GRID2: variants seen among roughly 807,000 people sequenced by gnomAD.
GRID2 encodes glutamate receptor ionotropic, delta-2.
A neutral mutation model predicts 114.8 loss-of-function variants in GRID2; 33 were observed. The ratio of observed to expected loss-of-function variants is 0.29; its 90% CI spans 0.22 to 0.38. GRID2 has a LOEUF of 0.38. Ranked by LOEUF, GRID2 falls within the 10% of genes least tolerant of loss-of-function variation. The pLI, the probability that GRID2 is intolerant of heterozygous loss-of-function variation, is 1.00. For synonymous variants in GRID2, 505 were observed against 449.9 expected (o/e 1.12, Z -1.55); for missense variants, 1,184 against 1,257.7 (o/e 0.94, Z 0.89).
chr4:92,756,162 T>C (rs928248758), intron 2 of GRID2, among the ~76,000 whole-genome samples: 3 of 152,176 alleles, frequency 2.0e-5, no homozygotes, highest in African/African-American at 7.2e-5. Flanking sequence ...GATCAACTTT[T>C]TAGCTCCCAT....
At chr4:92,962,412 C>G (rs972326131) in intron 2 of GRID2, among the ~76,000 whole-genome samples, 8 of 151,692 alleles carry the variant, frequency 5.3e-5, no homozygotes, top group African/African-American at 1.7e-4. Flanking sequence ...CTCTGTTCCC[C>G]CTCCCACCCT....
intron 2 of GRID2, among the ~76,000 whole-genome samples, chr4:92,627,469 AAAT>A (rs1013866730): frequency 7.4e-6 from 1 of 135,760 alleles, no homozygotes; most frequent in African/African-American, 2.6e-5. Flanking sequence ...GAAGTGTAAC[AAAT>A]AATATTTTAC....
intron 14 of GRID2, among the ~76,000 whole-genome samples, chr4:93,632,089 T>A (rs569085859): frequency 6.6e-6 from 1 of 152,336 alleles, no homozygotes; most frequent in Non-Finnish European, 1.5e-5. Flanking sequence ...TAAGTTTGTT[T>A]GAGTTCTTTG....
chr4:92,782,098 A>G (rs1560588781), intron 2 of GRID2, among the ~76,000 whole-genome samples: 1 of 152,062 alleles, frequency 6.6e-6, no homozygotes, highest in Non-Finnish European at 1.5e-5. Flanking sequence ...AAGTTTTTCA[A>G]TACCATCAAT....
intron 8 of GRID2, among the ~76,000 whole-genome samples, chr4:93,320,033 A>G (rs1383791744): frequency 2.0e-5 from 3 of 152,082 alleles, no homozygotes; most frequent in Non-Finnish European, 2.9e-5. Flanking sequence ...AGCAATAAAA[A>G]TCTAATATAA....
chr4:93,145,675 T>C (rs867853787), intron 4 of GRID2, among the ~76,000 whole-genome samples: 16 of 118,126 alleles, frequency 1.4e-4, no homozygotes, highest in African/African-American at 4.8e-4. Flanking sequence ...TTTTTTTTTT[T>C]AGTAGAGATG....
chr4:93,553,984 A>T (rs1734053265), intron 13 of GRID2, among the ~76,000 whole-genome samples: 1 of 152,190 alleles, frequency 6.6e-6, no homozygotes, highest in Non-Finnish European at 1.5e-5. Context: ...TAATTAATAC[A>T]AATTCCTGAA....
intron 8 of GRID2, among the ~76,000 whole-genome samples, chr4:93,238,814 T>G (rs1747121708): frequency 6.6e-6 from 1 of 151,664 alleles, no homozygotes; most frequent in South Asian, 2.1e-4. Flanking sequence ...TTGTAGCTGC[T>G]TGGTTTTTAA....
chr4:92,538,513 T>C (rs1345172386), intron 1 of GRID2, among the ~76,000 whole-genome samples: 1 of 152,146 alleles, frequency 6.6e-6, no homozygotes, highest in Non-Finnish European at 1.5e-5. Context: ...AAGTATGACT[T>C]GGAGCTCCAC....
chr4:93,690,243 G>A (rs1387553900), intron 14 of GRID2, among the ~76,000 whole-genome samples: 1 of 151,940 alleles, frequency 6.6e-6, no homozygotes, highest in Non-Finnish European at 1.5e-5. Context: ...TATAAAATAT[G>A]CTTTCTTCAA....
At chr4:92,749,178 A>G (rs1350368060) in intron 2 of GRID2, among the ~76,000 whole-genome samples, 2 of 151,314 alleles carry the variant, frequency 1.3e-5, no homozygotes, top group African/African-American at 2.4e-5. Flanking sequence ...TGATTTTTGT[A>G]TTTTTAGTAG....
At chr4:93,680,346 G>A (rs960946547) in intron 14 of GRID2, among the ~76,000 whole-genome samples, 7 of 151,740 alleles carry the variant, frequency 4.6e-5, no homozygotes, top group South Asian at 4.2e-4. Flanking sequence ...TTCTACCAGA[G>A]GTACAAGGAG....
At chr4:93,616,571 TA>T (rs1452603577) in intron 13 of GRID2, among the ~76,000 whole-genome samples, 2 of 106,576 alleles carry the variant, frequency 1.9e-5, no homozygotes, top group African/African-American at 7.4e-5. Context: ...TATAAATATT[TA>T]TTTTTATAAA....
intron 1 of GRID2, among the ~76,000 whole-genome samples, chr4:92,520,089 C>T (rs1161257514): frequency 1.3e-5 from 2 of 151,736 alleles, no homozygotes; most frequent in Admixed American, 1.3e-4. Context: ...ACTTGGCACC[C>T]ATATGCAACT....
At chr4:93,725,500 G>C (rs948685639) in intron 14 of GRID2, among the ~76,000 whole-genome samples, 4 of 152,010 alleles carry the variant, frequency 2.6e-5, no homozygotes, top group African/African-American at 4.8e-5. Flanking sequence ...TATATACCCA[G>C]TAATGGGATG....
At chr4:92,948,451 ATTG>A in intron 2 of GRID2, among the ~76,000 whole-genome samples, 1 of 151,930 alleles carries the variant, frequency 6.6e-6, no homozygotes, top group African/African-American at 2.4e-5. Flanking sequence ...TACATGCATT[ATTG>A]TTATAGTTAC....
At position 92,304,509 on chromosome 4, in the gene GRID2, C is replaced by T; in HGVS notation, c.-148C>T. The T allele has an allele frequency of 3.1e-6, 2 of 647,500 alleles. No homozygotes were observed. The highest frequency in any genetic ancestry group is 1.8e-5 in the South Asian group (1 of 54,416). The allele number at this position is 647,500 out of a possible 1,614,324, so 40.1% of individuals were successfully genotyped here. ...CATTCCCTTCTGCCTTTCTCGGCGA[C>T]GATAAAAGGCTTTGCTCTGGCAATA... On this transcript the variant is annotated 5_prime_UTR_variant, in exon 1 of 16. The change creates a new upstream start codon in the 5' untranslated region. Coordinates refer to ENST00000282020, the MANE Select transcript of GRID2 (RefSeq NM_001510.4).
intron 1 of GRID2, among the ~76,000 whole-genome samples, chr4:92,503,054 T>G (rs1341643273): frequency 1.3e-5 from 2 of 152,088 alleles, no homozygotes; most frequent in Admixed American, 6.6e-5. Flanking sequence ...TACAGGTGGT[T>G]TTAAAATGAG....
intron 13 of GRID2, among the ~76,000 whole-genome samples, chr4:93,581,811 A>G (rs1053651879): frequency 6.6e-6 from 1 of 152,094 alleles, no homozygotes; most frequent in African/African-American, 2.4e-5. Context: ...ATTTTATGTG[A>G]TGTGACACTC....
Sources: gnomAD v4.1 joint callset for allele counts (sites outside exome capture counted in the v4.1 genomes callset) on GRCh38, gnomAD v4.1.1 for gene constraint, MANE v1.5 for transcripts, NCBI Gene and HGNC (gene_info 2026-07-23, HGNC 2026-07-21) for gene names.